PHF14: variants seen among roughly 807,000 people sequenced by gnomAD.
The protein encoded by PHF14 is PHD finger protein 14.
Under a neutral mutation model 117.9 loss-of-function variants are expected in PHF14, and 55 were observed. That is an observed-to-expected ratio of 0.47 (90% CI 0.38 to 0.58). The LOEUF (loss-of-function observed/expected upper bound fraction) is 0.58, where lower values mean the gene tolerates loss of function less well. Ranked by LOEUF, PHF14 falls within the 20% of genes least tolerant of loss-of-function variation. The pLI, the probability that PHF14 is intolerant of heterozygous loss-of-function variation, is 0.00. For missense variants in PHF14, 978 were observed against 1,122.2 expected (o/e 0.87, Z 1.84); for synonymous variants, 409 against 368.6 (o/e 1.11, Z -1.26).
intron 17 of PHF14, among the ~76,000 whole-genome samples, chr7:11,140,071 C>A (rs1227803323): frequency 2.0e-5 from 3 of 152,070 alleles, no homozygotes; most frequent in Admixed American, 6.6e-5. Context: ...ATTCTGTACA[C>A]ATCCCTACAT....
chr7:11,064,796 G>C (rs552106303), intron 16 of PHF14, among the ~76,000 whole-genome samples: 423 of 152,006 alleles, frequency 2.8e-3, no homozygotes, highest in African/African-American at 9.8e-3. Context: ...CTTGGGACTT[G>C]GGCAAGTAAT....
rs951906031 is a variant in PHF14 at position 11,015,162 on chromosome 7, A to G, written c.1205+1256A>G. Reference sequence around the variant, plus strand: ...TTTAACATAAAAACTAGGGTATATTATGTCCTAAAATAAAGGATAGGCTTT... The same window carrying G: ...TTTAACATAAAAACTAGGGTATATTGTGTCCTAAAATAAAGGATAGGCTTT... On this transcript the variant is annotated intron_variant, in intron 5 of 17. Transcript: ENST00000634607. The G allele has an allele frequency of 6.6e-5, 10 of 152,162 alleles. 1 individual carries two copies. Among genetic ancestry groups the G allele is most frequent in the African/African-American group, 2.4e-4 (10 of 41,454 alleles). The allele number at this position is 152,162 out of a possible 1,614,324, so 9.4% of individuals were successfully genotyped here. A position where few individuals can be genotyped will look rare whatever the true frequency, so the allele number is the denominator to read the frequency against.
intron 17 of PHF14, among the ~76,000 whole-genome samples, chr7:11,152,278 T>A (rs1340212752): frequency 1.3e-5 from 2 of 152,178 alleles, no homozygotes; most frequent in Non-Finnish European, 2.9e-5. Context: ...GGGAATACTT[T>A]TTATAGTCAG....
intron 16 of PHF14, among the ~76,000 whole-genome samples, chr7:11,072,220 A>G (rs111540292): frequency 6.6e-6 from 1 of 152,138 alleles, no homozygotes; most frequent in Non-Finnish European, 1.5e-5. Flanking sequence ...CTTATGTGGC[A>G]GGGGCCAGGG....
At chr7:11,118,136 G>GA (rs1204437455) in intron 17 of PHF14, among the ~76,000 whole-genome samples, 5 of 151,748 alleles carry the variant, frequency 3.3e-5, no homozygotes, top group Non-Finnish European at 1.5e-5. Flanking sequence ...AAAAAGTCTG[G>GA]AAAAAAAGTT....
In PHF14 at chr7:11,169,457, G is replaced by C. The variant is rs1377856290; in HGVS notation, c.2814G>C (p.Glu938Asp). 1.3e-6 allele frequency: 2 copies of C among 1,525,362 alleles called. No individual in the cohort carries two copies. The highest frequency in any genetic ancestry group is 1.4e-5 in the African/African-American group (1 of 71,424). 94.5% of individuals were successfully genotyped at this position (1,525,362 alleles called of 1,614,324 possible). A position where few individuals can be genotyped will look rare whatever the true frequency, so the allele number is the denominator to read the frequency against. The change falls in exon 18 of 18, where the codon GAG becomes GAC. Residue 938 changes from glutamate to aspartate, a missense_variant. This residue lies in a region of PHF14 where 180 missense variants were observed against 195.4 expected (regional missense o/e 0.92). Transcript: ENST00000634607. The part of the protein sequence containing the change: ...NEAERKNISQ[E>D]LNMEQKNPKK The stretch of plus-strand genomic sequence containing the variant: ...CTGAAAGAAAAAATATATCTCAGGA[G>C]CTCAACATGGAACAGAAAAATCCAA...
chr7:11,118,350 G>A (rs1042335713), intron 17 of PHF14, among the ~76,000 whole-genome samples: 1 of 151,722 alleles, frequency 6.6e-6, no homozygotes, highest in Non-Finnish European at 1.5e-5. Flanking sequence ...GTAGAACAAG[G>A]TCCTCAACTA....
intron 17 of PHF14, among the ~76,000 whole-genome samples, chr7:11,168,629 AAAT>A (rs1789280006): frequency 6.6e-6 from 1 of 152,264 alleles, no homozygotes; most frequent in Non-Finnish European, 1.5e-5. Context: ...CAGTTAATAA[AAAT>A]AAATAATCTT....
chr7:11,169,278 A>G (rs933436421), intron 17 of PHF14, 138 bp from the exon 18 acceptor site: 4 of 469,076 alleles, frequency 8.5e-6, no homozygotes, highest in East Asian at 7.3e-5. Context: ...TAAATGTTAC[A>G]TAATTTTACC....
chr7:11,122,022 C>T (rs115418148), intron 17 of PHF14, among the ~76,000 whole-genome samples: 59 of 151,584 alleles, frequency 3.9e-4, no homozygotes, highest in African/African-American at 1.4e-3. Flanking sequence ...TGCCCTACCC[C>T]CCGACAGGCC....
chr7:11,154,119 A>T (rs1788778723), intron 17 of PHF14, among the ~76,000 whole-genome samples: 1 of 152,162 alleles, frequency 6.6e-6, no homozygotes, highest in East Asian at 1.9e-4. Context: ...TAACCAGGTT[A>T]TTTATATGGA....
At chr7:11,062,868 G>A in intron 16 of PHF14, 6 of 984,370 alleles carry the variant, frequency 6.1e-6, no homozygotes, top group Non-Finnish European at 7.2e-6. Flanking sequence ...AGTTCTTACA[G>A]TTCTTACAGG....
At chr7:11,054,956 A>G (rs957671962) in intron 14 of PHF14, among the ~76,000 whole-genome samples, 1 of 152,154 alleles carries the variant, frequency 6.6e-6, no homozygotes, top group Middle Eastern at 3.4e-3. Context: ...TTTTACCTTC[A>G]TGACATACGT....
At position 10,982,399 on chromosome 7, in the gene PHF14, A is replaced by C; in HGVS notation, c.140A>C (p.Glu47Ala). 6.4e-7 allele frequency: 1 copy of C among 1,567,308 alleles called. No homozygotes were observed. Among genetic ancestry groups the C allele is most frequent in the Non-Finnish European group, 8.6e-7 (1 of 1,165,134 alleles). ...SDSEGSGNGS[E>A]DASKDSGEGS... The stretch of plus-strand genomic sequence containing the variant: ...TCTGAAGGGAGTGGTAATGGAAGTG[A>C]AGATGCTTCAAAGGACAGTGGAGAA... The change falls in exon 3 of 18, where the codon GAA (glutamate) becomes GCA (alanine). Residue 47 changes from glutamate (E) to alanine (A), a missense_variant. Physicochemically the swap from Glu to Ala is moderately radical, Grantham distance 107. Coordinates refer to ENST00000634607, the MANE Select transcript of PHF14 (RefSeq NM_001007157.2).
intron 4 of PHF14, among the ~76,000 whole-genome samples, chr7:11,005,944 C>T (rs898873518): frequency 1.1e-4 from 16 of 151,840 alleles, no homozygotes; most frequent in Admixed American, 5.2e-4. Context: ...AGGCATGCGC[C>T]ACCTCACCCG....
Position 11,100,455 on chromosome 7 carries a change from G to GAAGAGAGGTAACTGGGGT in PHF14, c.2655-10894_2655-10893insAGAGAGGTAACTGGGGTA, listed in dbSNP as rs1554272429. 6.6e-5 allele frequency among the ~76,000 whole-genome samples: 10 copies of GAAGAGAGGTAACTGGGGT among 151,990 alleles called. No homozygotes were observed. In the East Asian group the frequency reaches 1.7e-3, roughly 26 times the overall value. On this transcript the variant is annotated intron_variant, in intron 16 of 17. Coordinates refer to ENST00000634607, the MANE Select transcript of PHF14 (RefSeq NM_001007157.2). Reference sequence around the variant, plus strand: ...AGAAGAGAGGTAACTGGGGTACATAGACACTAAGCAGTGTGAAATAGAAAT... The same window carrying GAAGAGAGGTAACTGGGGT: ...AGAAGAGAGGTAACTGGGGTACATAGAAGAGAGGTAACTGGGGTACACTAAGCAGTGTGAAATAGAAAT...
chr7:11,083,936 G>T (rs1786271192), intron 16 of PHF14, among the ~76,000 whole-genome samples: 1 of 152,210 alleles, frequency 6.6e-6, no homozygotes. Flanking sequence ...AAGATGGGAT[G>T]CCCGTCTGGG....
chr7:10,985,827 AT>A (rs1465103550), intron 3 of PHF14, among the ~76,000 whole-genome samples: 1 of 151,348 alleles, frequency 6.6e-6, no homozygotes, highest in East Asian at 1.9e-4. Flanking sequence ...ACATTTTTGT[AT>A]TTTTAGTAGA....
intron 17 of PHF14, among the ~76,000 whole-genome samples, chr7:11,160,622 A>G (rs573939199): frequency 6.6e-6 from 1 of 152,152 alleles, no homozygotes; most frequent in Non-Finnish European, 1.5e-5. Flanking sequence ...ATGAGATACT[A>G]TCACAAAAGA....
Sources: gnomAD v4.1 joint callset for allele counts (sites outside exome capture counted in the v4.1 genomes callset) on GRCh38, gnomAD v4.1.1 for gene constraint, gnomAD v4.1.1 regional missense constraint, MANE v1.5 for transcripts, NCBI Gene and HGNC (gene_info 2026-07-23, HGNC 2026-07-21) for gene names.